The following PLCG2 variants were observed in gnomAD, a reference collection of about 807,000 sequenced individuals.
The protein encoded by PLCG2 is phospholipase C gamma 2, also known as 1-phosphatidylinositol 4,5-bisphosphate phosphodiesterase gamma-2.
In PLCG2, 69 loss-of-function variants were observed where a neutral mutation model predicts 175.6. The ratio of observed to expected loss-of-function variants is 0.39; its 90% CI spans 0.32 to 0.48. The LOEUF (loss-of-function observed/expected upper bound fraction) is 0.48, where lower values mean the gene tolerates loss of function less well. Among genes scored for constraint, PLCG2 ranks in the 20% least tolerant of loss-of-function variants. The pLI, the probability that PLCG2 is intolerant of heterozygous loss-of-function variation, is 0.91. For synonymous variants in PLCG2, 827 were observed against 624.0 expected (o/e 1.33, Z -4.85); for missense variants, 1,798 against 1,650.9 (o/e 1.09, Z -1.54).
rs917751925 is a variant in PLCG2, at chr16:81,838,523, G to A, written c.194-15921G>A. Among the ~76,000 whole-genome samples, 17 of 152,022 alleles carry A rather than the reference G, an allele frequency of 1.1e-4. 1 individual carries two copies. The highest frequency in any genetic ancestry group is 3.9e-4 in the Admixed American group (6 of 15,262). On this transcript the variant is annotated intron_variant, in intron 2 of 32. Transcript: ENST00000564138. ...CTAACACAGGAACAGAAAACCAAAC[G>A]CCGCATGTTCTCACTCATCAGTGGG...
intron 2 of PLCG2, among the ~76,000 whole-genome samples, chr16:81,809,185 C>T (rs972288898): frequency 2.0e-5 from 3 of 152,108 alleles, no homozygotes; most frequent in African/African-American, 7.2e-5. Flanking sequence ...GACCTTATCC[C>T]CTCAGCACAC....
chr16:81,904,620 C>T (rs1011881031), intron 14 of PLCG2, among the ~76,000 whole-genome samples: 1 of 152,240 alleles, frequency 6.6e-6, no homozygotes, highest in Admixed American at 6.5e-5. Flanking sequence ...CTGCCTTTCC[C>T]TCTGTGTGCT....
At chr16:81,785,301 C>G (rs995703488) in intron 1 of PLCG2, among the ~76,000 whole-genome samples, 8 of 152,074 alleles carry the variant, frequency 5.3e-5, no homozygotes, top group Non-Finnish European at 8.8e-5. Context: ...TTTAAAAAGG[C>G]TAAAACTGAG....
chr16:81,953,902 T>G (rs1164582822), intron 31 of PLCG2, among the ~76,000 whole-genome samples: 1 of 152,196 alleles, frequency 6.6e-6, no homozygotes, highest in Non-Finnish European at 1.5e-5. Context: ...ATTTTGAACT[T>G]GCGCCCGAAT....
chr16:81,759,383 C>T (rs1045798140), intron 2 of PLCG2, among the ~76,000 whole-genome samples: 44 of 152,262 alleles, frequency 2.9e-4, no homozygotes, highest in African/African-American at 9.9e-4. Context: ...AATATTTAAT[C>T]TTTTTTATTT....
intron 22 of PLCG2, among the ~76,000 whole-genome samples, chr16:81,925,073 C>T (rs967435708): frequency 5.3e-5 from 8 of 152,194 alleles, no homozygotes; most frequent in South Asian, 2.1e-4. Flanking sequence ...CTCCAAATCA[C>T]GGTTTTCCAT....
intron 26 of PLCG2, among the ~76,000 whole-genome samples, chr16:81,934,879 A>G (rs1474450529): frequency 6.6e-6 from 1 of 152,176 alleles, no homozygotes; most frequent in Non-Finnish European, 1.5e-5. Context: ...TTATAAAACC[A>G]TCAGATCTCG....
At chr16:81,954,408 G>A (rs1046851037) in intron 31 of PLCG2, among the ~76,000 whole-genome samples, 6 of 152,124 alleles carry the variant, frequency 3.9e-5, no homozygotes, top group Non-Finnish European at 7.3e-5. Context: ...AGTGCAGGAC[G>A]TGTAGGTTTG....
intron 2 of PLCG2, among the ~76,000 whole-genome samples, chr16:81,810,865 A>C (rs566862628): frequency 1.3e-5 from 2 of 152,290 alleles, no homozygotes; most frequent in East Asian, 3.9e-4. Context: ...ACATTGATCA[A>C]ATAATTTTGT....
At chr16:81,884,404 A>T (rs551928289) in intron 9 of PLCG2, among the ~76,000 whole-genome samples, 34 of 152,204 alleles carry the variant, frequency 2.2e-4, no homozygotes, top group East Asian at 1.4e-3. Context: ...AAAGTCAAAG[A>T]AGTATTCAGC....
intron 2 of PLCG2, among the ~76,000 whole-genome samples, chr16:81,832,451 A>T (rs2143390324): frequency 6.6e-6 from 1 of 152,328 alleles, no homozygotes; most frequent in South Asian, 2.1e-4. Context: ...GCGCAGTGGC[A>T]TGATCACGGC....
chr16:81,831,998 C>T (rs1219496699), intron 2 of PLCG2, among the ~76,000 whole-genome samples: 1 of 152,170 alleles, frequency 6.6e-6, no homozygotes, highest in Non-Finnish European at 1.5e-5. Flanking sequence ...AGGCTGCTGT[C>T]TTGCTGGAGC....
intron 2 of PLCG2, among the ~76,000 whole-genome samples, chr16:81,789,863 C>T (rs1465749329): frequency 6.6e-6 from 1 of 151,072 alleles, no homozygotes; most frequent in African/African-American, 2.4e-5. Context: ...CCATTGCCTC[C>T]CCTCTGTCAT....
At chr16:81,769,874 G>A (rs1319932641) in intron 2 of PLCG2, among the ~76,000 whole-genome samples, 2 of 145,894 alleles carry the variant, frequency 1.4e-5, no homozygotes, top group African/African-American at 2.5e-5. Flanking sequence ...TCAGATTCTA[G>A]TTCTGCCACC....
chr16:81,936,322 C>G lies in PLCG2; in HGVS notation c.2996C>G (p.Pro999Arg). Residue 999 changes from proline to arginine, a missense_variant, in exon 27 of 33, where the codon CCC (proline) becomes CGC (arginine). Pro to Arg is a moderately radical substitution (Grantham distance 103). Transcript: ENST00000564138. ...GQRVDSSNYD[P>R]FRLWLCGSQM... Reference sequence around the variant, plus strand: ...AGAGTTGACTCTTCAAACTACGACCCCTTCCGCCTCTGGCTGTGCGGTTCT... The same window carrying G: ...AGAGTTGACTCTTCAAACTACGACCGCTTCCGCCTCTGGCTGTGCGGTTCT... 2 of 1,614,216 alleles carry G rather than the reference C, an allele frequency of 1.2e-6. No homozygotes were observed. The highest frequency in any genetic ancestry group is 2.2e-5 in the East Asian group (1 of 44,892).
intron 31 of PLCG2, among the ~76,000 whole-genome samples, chr16:81,952,916 C>G (rs376238851): frequency 1.3e-5 from 2 of 152,142 alleles, no homozygotes; most frequent in African/African-American, 4.8e-5. Context: ...AGCTTTACAG[C>G]GGATAGACCC....
chr16:81,754,688 C>T lies in PLCG2; in HGVS notation c.-144-1182C>T, dbSNP rs370457129. Among the ~76,000 whole-genome samples the T allele has an allele frequency of 5.6e-4, 84 of 151,324 alleles. No individual in the cohort carries two copies. In the South Asian group the frequency reaches 0.011, roughly 20 times the overall value. ...GCAGAGCTCACTAGTGGGAACCTCA[C>T]GTGTCTCCCTAGCAATGTCAAAGGC... On this transcript the variant is annotated intron_variant, in intron 1 of 5. Coordinates refer to the PLCG2 transcript ENST00000565054.
At chr16:81,779,939 C>T (rs910861508) in intron 1 of PLCG2, among the ~76,000 whole-genome samples, 2 of 152,198 alleles carry the variant, frequency 1.3e-5, no homozygotes, top group Non-Finnish European at 2.9e-5. Flanking sequence ...TCGCGATGCC[C>T]GCTCCGCAGC....
chr16:81,854,475 A>G lies in PLCG2; in HGVS notation c.225A>G (p.Pro75=), dbSNP rs1186480762. 8.7e-6 allele frequency: 14 copies of G among 1,614,044 alleles called. No homozygotes were observed. The highest frequency in any genetic ancestry group is 3.3e-4 in the Middle Eastern group (2 of 6,084). Residue 75 remains proline, a synonymous_variant, in exon 3 of 33, where the codon CCA becomes CCG. Transcript: ENST00000564138. The part of the protein sequence containing the change: ...LDIMEIKEIR[P]GKNSKDFERA... ...TCATGGAAATAAAAGAAATCCGCCCAGGGAAGAACTCCAAAGATTTCGAGC... is the reference window on the plus strand; with the variant it reads ...TCATGGAAATAAAAGAAATCCGCCCGGGGAAGAACTCCAAAGATTTCGAGC...
Sources: gnomAD v4.1 joint callset for allele counts (sites outside exome capture counted in the v4.1 genomes callset) on GRCh38, gnomAD v4.1.1 for gene constraint, MANE v1.5 for transcripts, NCBI Gene and HGNC (gene_info 2026-07-23, HGNC 2026-07-21) for gene names.